The following AVEN variants were observed in gnomAD, a reference collection of about 807,000 sequenced individuals.
The protein encoded by AVEN is apoptosis and caspase activation inhibitor.
Under a neutral mutation model 38.1 loss-of-function variants are expected in AVEN, and 41 were observed. That is an observed-to-expected ratio of 1.08 (90% CI 0.84 to 1.40). The LOEUF is 1.40. AVEN is among the 40% of genes most tolerant of loss of function. AVEN has a pLI of 0.00. For synonymous variants in AVEN, 206 were observed against 171.8 expected (o/e 1.20, Z -1.56); for missense variants, 605 against 438.8 (o/e 1.38, Z -3.38).
intron 1 of AVEN, among the ~76,000 whole-genome samples, chr15:34,020,997 C>A (rs1898176379): frequency 6.6e-6 from 1 of 152,154 alleles, no homozygotes; most frequent in African/African-American, 2.4e-5. Context: ...TCTGAAAAGT[C>A]TTTTTCTGCA....
Position 34,008,523 on chromosome 15 carries a change from C to G in AVEN, c.268-5314G>C, listed in dbSNP as rs556648591. ...TTTTTTTTTGAGACAGAGTCTTGCT[C>G]TGTCACCCAGGCTGGAGTGCAGTGG... On this transcript the variant is annotated intron_variant, in intron 1 of 5. Transcript: ENST00000306730. Among the ~76,000 whole-genome samples, 6 of 132,032 alleles carry G rather than the reference C, an allele frequency of 4.5e-5. No homozygotes were observed. The South Asian group carries it at 1.5e-3, about 33-fold the overall frequency. 86.6% of individuals were successfully genotyped at this position (132,032 alleles called of 152,430 possible). A position where few individuals can be genotyped will look rare whatever the true frequency, so the allele number is the denominator to read the frequency against.
At chr15:33,913,480 C>T (rs1473797355) in intron 2 of AVEN, among the ~76,000 whole-genome samples, 1 of 152,100 alleles carries the variant, frequency 6.6e-6, no homozygotes, top group Non-Finnish European at 1.5e-5. Flanking sequence ...GATTTACATT[C>T]CTAATTATGT....
intron 4 of AVEN, chr15:34,064,044 A>G (rs930066323): frequency 3.1e-6 from 5 of 1,614,042 alleles, no homozygotes. Flanking sequence ...AGCAGCCCAG[A>G]CACTGAGTGC....
At chr15:33,972,399 T>C (rs1231004420) in intron 2 of AVEN, 1 of 152,084 alleles carries the variant, frequency 6.6e-6, no homozygotes, top group African/African-American at 2.4e-5. Flanking sequence ...ATATAGATTA[T>C]AAAGTGATCC....
At chr15:34,017,460 T>C (rs1019312999) in intron 1 of AVEN, among the ~76,000 whole-genome samples, 1 of 149,800 alleles carries the variant, frequency 6.7e-6, no homozygotes, top group South Asian at 2.1e-4. Context: ...CCAAGATAAG[T>C]GATTTCAGTA....
downstream of AVEN, chr15:33,856,535 C>G (rs993874085): frequency 6.6e-6 from 1 of 152,316 alleles, no homozygotes; most frequent in African/African-American, 2.4e-5. Context: ...TGTGACTCAG[C>G]TCCACCATCA....
rs546133217 is a variant in AVEN, at chr15:34,024,581, A to T, written c.267+14199T>A. 2.6e-5 allele frequency among the ~76,000 whole-genome samples: 4 copies of T among 152,080 alleles called. No homozygotes were observed. In the East Asian group the frequency reaches 7.7e-4, roughly 29 times the overall value. ...ATAAATAAAAAGGAAGGCCAGGCAC[A>T]GTGGCTCACATCTGTAATCCCAGCA... is the stretch of plus-strand genomic sequence containing the variant. On this transcript the variant is annotated intron_variant, in intron 1 of 5. Coordinates refer to ENST00000306730, the MANE Select transcript of AVEN (RefSeq NM_020371.3).
In AVEN at chr15:34,051,802, C is replaced by T. The variant is rs540172154; in HGVS notation, n.1637+11120G>A. Among the ~76,000 whole-genome samples, 144 of 152,104 alleles carry T rather than the reference C, an allele frequency of 9.5e-4. 1 individual carries two copies. In the Middle Eastern group the frequency reaches 0.024, roughly 25 times the overall value. On this transcript the variant is annotated intron_variant and non_coding_transcript_variant, in intron 5 of 11. Transcript: ENST00000675287. ...AGACTGAACCAAGAAGAAACTGAAT[C>T]CCTTAATAGACCAATAATGAGTTCT...
At chr15:34,032,585 T>C (rs1898906877) in intron 1 of AVEN, among the ~76,000 whole-genome samples, 2 of 152,208 alleles carry the variant, frequency 1.3e-5, no homozygotes, top group South Asian at 4.1e-4. Context: ...AAAGGGGCTA[T>C]GATCTTAGCT....
chr15:34,068,167 G>T (rs1208845624), intron 2 of AVEN, among the ~76,000 whole-genome samples: 4 of 151,842 alleles, frequency 2.6e-5, no homozygotes, highest in Non-Finnish European at 5.9e-5. Context: ...CCATTTGAGA[G>T]TAAGTTGCAG....
chr15:33,972,363 T>C (rs1284221788), intron 2 of AVEN: 3 of 151,954 alleles, frequency 2.0e-5, no homozygotes, highest in Non-Finnish European at 4.4e-5. Context: ...AAAGACGGTG[T>C]CTCTGAATGA....
chr15:33,961,767 C>T (rs865808687), intron 2 of AVEN, among the ~76,000 whole-genome samples: 36 of 126,548 alleles, frequency 2.8e-4, no homozygotes, highest in South Asian at 1.0e-3. Flanking sequence ...GAGCCGAGAT[C>T]GCGCCACTGC....
upstream of AVEN, among the ~76,000 whole-genome samples, chr15:34,041,572 T>C (rs1729328597): frequency 6.6e-6 from 1 of 152,188 alleles, no homozygotes. Context: ...GCACATTCAC[T>C]ATGCTTGATA....
downstream of AVEN, chr15:33,864,980 G>C: frequency 1.7e-6 from 1 of 599,182 alleles, no homozygotes; most frequent in East Asian, 2.8e-5. Flanking sequence ...AACAGCCTGT[G>C]CTGGGAATAG....
downstream of AVEN, among the ~76,000 whole-genome samples, chr15:33,862,175 G>A (rs936010311): frequency 1.3e-5 from 2 of 151,538 alleles, no homozygotes; most frequent in Non-Finnish European, 2.9e-5. Flanking sequence ...CCCCAGCCTA[G>A]CTCTTCCCCC....
chr15:34,012,494 C>T (rs961086425), intron 1 of AVEN, among the ~76,000 whole-genome samples: 1 of 152,184 alleles, frequency 6.6e-6, no homozygotes, highest in Admixed American at 6.5e-5. Flanking sequence ...GCTTCAGGTA[C>T]ATCTGCCTCT....
chr15:34,007,969 T>C (rs1897435644), intron 1 of AVEN, among the ~76,000 whole-genome samples: 1 of 152,218 alleles, frequency 6.6e-6, no homozygotes, highest in South Asian at 2.1e-4. Flanking sequence ...GATTAGGGCC[T>C]ACCTTAATCA....
chr15:33,895,327 C>CT (rs11418301), intron 2 of AVEN, among the ~76,000 whole-genome samples: 19,956 of 140,862 alleles, frequency 0.14, 4,091 homozygotes, highest in African/African-American at 0.45. Flanking sequence ...AACTATATTT[C>CT]TTTTTTTTTT....
chr15:33,899,168 A>AAAAACAGCCCCCTCTT (rs71117192), intron 2 of AVEN, among the ~76,000 whole-genome samples: 1 of 151,610 alleles, frequency 6.6e-6, no homozygotes, highest in Non-Finnish European at 1.5e-5. Context: ...TAACTGTGGT[A>AAAAACAGCCCCCTCTT]CTCACCTCTG....
Sources: gnomAD v4.1 joint callset for allele counts (sites outside exome capture counted in the v4.1 genomes callset) on GRCh38, gnomAD v4.1.1 for gene constraint, MANE v1.5 for transcripts, NCBI Gene and HGNC (gene_info 2026-07-23, HGNC 2026-07-21) for gene names.